Variants in CREBBP observed in about 807,000 individuals in gnomAD.
The protein encoded by CREBBP is CREB binding lysine acetyltransferase, also known as CREB-binding protein.
Under a neutral mutation model 265.0 loss-of-function variants are expected in CREBBP, and 19 were observed. That is an observed-to-expected ratio of 0.07 (90% confidence interval 0.05 to 0.11). The LOEUF (loss-of-function observed/expected upper bound fraction) is 0.11, where lower values mean the gene tolerates loss of function less well. Among genes scored for constraint, CREBBP ranks in the 10% least tolerant of loss-of-function variants. The probability of loss-of-function intolerance (pLI) is 1.00; values close to 1 mark genes in which losing one functional copy is unlikely to be tolerated. For synonymous variants in CREBBP, 1,457 were observed against 1,223.7 expected (o/e 1.19, Z -3.98); for missense variants, 2,525 against 3,219.0 (o/e 0.78, Z 5.22).
At chr16:3,774,077 C>T in intron 12 of CREBBP, 147 bp from the exon 13 acceptor site, 1 of 892,816 alleles carries the variant, frequency 1.1e-6, no homozygotes, top group Non-Finnish European at 1.8e-6. Context: ...GGGAAGAGAC[C>T]ACCACTTGCT....
chr16:3,804,538 G>A (rs73503905), intron 3 of CREBBP, among the ~76,000 whole-genome samples: 1 of 152,328 alleles, frequency 6.6e-6, no homozygotes, highest in African/African-American at 2.4e-5. Context: ...AGGAAGTGAA[G>A]TATTATATTC....
At chr16:3,762,140 C>G (rs772214534) in intron 16 of CREBBP, among the ~76,000 whole-genome samples, 12 of 152,288 alleles carry the variant, frequency 7.9e-5, no homozygotes, top group African/African-American at 1.2e-4. Context: ...TGCCTCCGTG[C>G]CACAGTGGCA....
At chr16:3,844,926 A>C (rs2054635192) in intron 2 of CREBBP, among the ~76,000 whole-genome samples, 1 of 152,204 alleles carries the variant, frequency 6.6e-6, no homozygotes, top group Non-Finnish European at 1.5e-5. Flanking sequence ...CTATGCTTCC[A>C]AGCAACATAA....
At chr16:3,770,512 T>A in intron 14 of CREBBP, 58 bp downstream of exon 14, 1 of 1,588,606 alleles carries the variant, frequency 6.3e-7, no homozygotes, top group Non-Finnish European at 8.6e-7. Flanking sequence ...ACAATTTTTA[T>A]GGGAAAATTA....
At position 3,773,883 on chromosome 16, in the gene CREBBP, A is replaced by T. The variant is rs1230610112; in HGVS notation, c.2331T>A (p.Gly777=). Residue 777 remains glycine (G), a synonymous_variant, in exon 13 of 31, where the codon GGT becomes GGA. Coordinates refer to ENST00000262367, the MANE Select transcript of CREBBP (RefSeq NM_004380.3). ...SRMPQPPNMM[G]AHTNNMMAQA... Reference sequence around the variant, plus strand: ...GGGCCATCATGTTGTTGGTGTGTGCACCCATCATGTTCGGAGGCTGAGGCA... The same window carrying T: ...GGGCCATCATGTTGTTGGTGTGTGCTCCCATCATGTTCGGAGGCTGAGGCA... 1.2e-5 allele frequency: 19 copies of T among 1,612,230 alleles called. No individual in the cohort carries two copies. Among genetic ancestry groups the T allele is most frequent in the Non-Finnish European group, 1.5e-5 (18 of 1,180,010 alleles).
At chr16:3,764,677 G>A (rs1195351811) in intron 16 of CREBBP, among the ~76,000 whole-genome samples, 3 of 152,006 alleles carry the variant, frequency 2.0e-5, no homozygotes, top group Non-Finnish European at 4.4e-5. Flanking sequence ...TTGGACCCCT[G>A]AGCTCAAGTG....
Position 3,743,563 on chromosome 16 carries a change from A to G in CREBBP, c.3982+1331T>C, listed in dbSNP as rs911622905. The G allele has an allele frequency of 3.3e-5, 5 of 152,168 alleles. No individual in the cohort carries two copies. The East Asian group carries it at 9.6e-4, about 29-fold the overall frequency. 9.4% of individuals were successfully genotyped at this position (152,168 alleles called of 1,614,324 possible). A position where few individuals can be genotyped will look rare whatever the true frequency, so the allele number is the denominator to read the frequency against. On this transcript the variant is annotated intron_variant, in intron 23 of 30. Transcript: ENST00000262367. ...TTGGGGATCTCCTGAGCAACATGCTAGTCACCTGTCCTGCCAGAGAAAGGT... is the reference window on the plus strand; with the variant it reads ...TTGGGGATCTCCTGAGCAACATGCTGGTCACCTGTCCTGCCAGAGAAAGGT...
intron 2 of CREBBP, among the ~76,000 whole-genome samples, chr16:3,823,950 C>T (rs1384021845): frequency 8.3e-6 from 1 of 119,930 alleles, no homozygotes; most frequent in Non-Finnish European, 1.7e-5. Context: ...GTTGAAAAGG[C>T]TGTGGCAACA....
intron 3 of CREBBP, among the ~76,000 whole-genome samples, chr16:3,799,865 T>C (rs1368087353): frequency 5.9e-5 from 9 of 152,176 alleles, no homozygotes; most frequent in Non-Finnish European, 1.3e-4. Context: ...CTAACAACAA[T>C]AAGGCAGACC....
chr16:3,772,475 C>G (rs561898029), intron 13 of CREBBP, among the ~76,000 whole-genome samples: 259 of 152,078 alleles, frequency 1.7e-3, no homozygotes, highest in African/African-American at 5.8e-3. Flanking sequence ...TGTTCTAGAG[C>G]AGGGGTTGGC....
chr16:3,843,053 T>C lies in CREBBP; in HGVS notation c.798+7244A>G, dbSNP rs144072381. ...CAAAAATGACAAAGAACTGCACACA[T>C]TTTTGCACAGCTTTAAGTTAACAAA... On this transcript the variant is annotated intron_variant, in intron 2 of 30. Coordinates refer to ENST00000262367, the MANE Select transcript of CREBBP (RefSeq NM_004380.3). Among the ~76,000 whole-genome samples the C allele has an allele frequency of 2.2e-4, 33 of 151,346 alleles. No homozygotes were observed. The East Asian group carries it at 4.3e-3, about 19-fold the overall frequency.
intron 1 of CREBBP, among the ~76,000 whole-genome samples, chr16:3,863,557 G>A (rs1011596637): frequency 1.3e-5 from 2 of 152,104 alleles, no homozygotes; most frequent in Admixed American, 6.6e-5. Context: ...AGCCGAGATC[G>A]CGCCACTGCA....
chr16:3,767,395 G>C (rs2052880749), intron 16 of CREBBP: 4 of 407,288 alleles, frequency 9.8e-6, no homozygotes, highest in Non-Finnish European at 1.8e-5. Flanking sequence ...ACTTTTATGA[G>C]TAAAGCCAAG....
At chr16:3,875,233 G>A (rs943909858) in intron 1 of CREBBP, among the ~76,000 whole-genome samples, 2 of 152,174 alleles carry the variant, frequency 1.3e-5, no homozygotes, top group African/African-American at 2.4e-5. Context: ...CCTCTAAGGC[G>A]CCCTGCACAT....
At chr16:3,740,824 C>G in intron 23 of CREBBP, 1 of 472,776 alleles carries the variant, frequency 2.1e-6, no homozygotes, top group South Asian at 2.1e-5. Flanking sequence ...AGACCTATAG[C>G]GGTGGGTCCA....
At chr16:3,841,429 C>T (rs1484351888) in intron 2 of CREBBP, among the ~76,000 whole-genome samples, 2 of 151,776 alleles carry the variant, frequency 1.3e-5, no homozygotes, top group African/African-American at 4.8e-5. Flanking sequence ...GCTCTTTTTA[C>T]AATTTTTAGT....
intron 11 of CREBBP, 122 bp downstream of exon 11, chr16:3,777,491 C>T: frequency 9.3e-7 from 1 of 1,075,238 alleles, no homozygotes; most frequent in Non-Finnish European, 1.4e-6. Context: ...TGCTTATCAG[C>T]AAAAAGGAAT....
chr16:3,795,695 T>C (rs539326247), intron 3 of CREBBP, among the ~76,000 whole-genome samples: 1 of 152,260 alleles, frequency 6.6e-6, no homozygotes, highest in East Asian at 1.9e-4. Context: ...GCAGTACTGG[T>C]GTTAAGTCCA....
intron 2 of CREBBP, among the ~76,000 whole-genome samples, chr16:3,843,472 T>C (rs907261568): frequency 6.6e-6 from 1 of 150,724 alleles, no homozygotes; most frequent in Non-Finnish European, 1.5e-5. Flanking sequence ...GTATGCTTGA[T>C]TGTAGTGGTG....
Sources: allele counts gnomAD v4.1 joint callset (sites outside exome capture counted in the v4.1 genomes callset), GRCh38; gene constraint gnomAD v4.1.1; transcripts MANE v1.5; gene names NCBI Gene and HGNC (gene_info 2026-07-23, HGNC 2026-07-21).